CNTN6: variants seen among roughly 807,000 people sequenced by gnomAD.
CNTN6 encodes the protein contactin-6.
In CNTN6, 137 loss-of-function variants were observed where a neutral mutation model predicts 122.8. The ratio of observed to expected loss-of-function variants is 1.12; its 90% confidence interval spans 0.97 to 1.29. CNTN6 has a LOEUF of 1.29. Among genes scored for constraint, CNTN6 ranks in the 50% most tolerant of loss-of-function variants. The pLI is 0.00. For synonymous variants in CNTN6, 570 were observed against 426.0 expected, an observed-to-expected ratio of 1.34 and a Z score of -4.16; for missense variants, 1,634 against 1,223.4, an observed-to-expected ratio of 1.34 and a Z score of -5.01.
At chr3:1,159,574 A>T (rs1474302322) in intron 2 of CNTN6, among the ~76,000 whole-genome samples, 1 of 151,508 alleles carries the variant, frequency 6.6e-6, no homozygotes, top group Non-Finnish European at 1.5e-5. Context: ...TATATATAGA[A>T]TTTTTTTTTA....
At chr3:1,140,985 C>T (rs972779848) in intron 1 of CNTN6, among the ~76,000 whole-genome samples, 3 of 152,122 alleles carry the variant, frequency 2.0e-5, no homozygotes, top group African/African-American at 4.8e-5. Flanking sequence ...TGCTACTTGG[C>T]CTAACTTAAT....
chr3:1,262,707 T>C (rs1367724993), intron 4 of CNTN6, among the ~76,000 whole-genome samples: 1 of 152,154 alleles, frequency 6.6e-6, no homozygotes, highest in African/African-American at 2.4e-5. Context: ...GGGATTTGAA[T>C]CTTTGTTCTA....
At chr3:1,119,495 G>A (rs1226589696) in intron 1 of CNTN6, among the ~76,000 whole-genome samples, 2 of 151,672 alleles carry the variant, frequency 1.3e-5, no homozygotes, top group African/African-American at 2.4e-5. Flanking sequence ...TTATTGCCAG[G>A]GTCTGAGGAA....
chr3:1,383,515 G>A (rs1288523059), intron 19 of CNTN6, 107 bp downstream of exon 19: 18 of 826,876 alleles, frequency 2.2e-5, no homozygotes, highest in Middle Eastern at 2.4e-4. Flanking sequence ...ATATGATAAT[G>A]TGTGTCTAAA....
At chr3:1,119,352 T>TGTGTGTGTGTGTGTGTGTGG (rs1323991755) in intron 1 of CNTN6, among the ~76,000 whole-genome samples, 5 of 150,730 alleles carry the variant, frequency 3.3e-5, no homozygotes, top group Non-Finnish European at 7.4e-5. Context: ...TGTGTGTGTG[T>TGTGTGTGTGTGTGTGTGTGG]GGAGAATGTC....
At chr3:1,242,697 T>A (rs1319588667) in intron 4 of CNTN6, among the ~76,000 whole-genome samples, 1 of 151,928 alleles carries the variant, frequency 6.6e-6, no homozygotes, top group Non-Finnish European at 1.5e-5. Context: ...GGCTTTGGGT[T>A]GGGGAGAAGG....
intron 17 of CNTN6, among the ~76,000 whole-genome samples, chr3:1,378,263 C>T (rs949413816): frequency 5.3e-5 from 8 of 152,170 alleles, no homozygotes; most frequent in African/African-American, 1.9e-4. Context: ...CTGTCTGGAT[C>T]TCTTCCCCAC....
chr3:1,306,986 A>T (rs1197250094), intron 7 of CNTN6, among the ~76,000 whole-genome samples: 1 of 152,218 alleles, frequency 6.6e-6, no homozygotes, highest in Admixed American at 6.5e-5. Flanking sequence ...TATGTATTGA[A>T]TACCTCATTC....
At chr3:1,326,461 T>C (rs1392919067) in intron 9 of CNTN6, among the ~76,000 whole-genome samples, 2 of 151,834 alleles carry the variant, frequency 1.3e-5, no homozygotes, top group Non-Finnish European at 2.9e-5. Context: ...TTTATTTTGG[T>C]CTGATATCAG....
chr3:1,095,512 T>A (rs969156106), intron 1 of CNTN6, among the ~76,000 whole-genome samples: 1 of 151,950 alleles, frequency 6.6e-6, no homozygotes, highest in Admixed American at 6.6e-5. Context: ...AACAGAAACA[T>A]TGAGTTTAAT....
At chr3:1,316,061 T>A (rs141802205) in intron 7 of CNTN6, among the ~76,000 whole-genome samples, 1 of 152,096 alleles carries the variant, frequency 6.6e-6, no homozygotes, top group East Asian at 1.9e-4. Flanking sequence ...TTAAAATATT[T>A]TTATTAATTG....
At chr3:1,104,815 CTTG>C (rs2091140196) in intron 1 of CNTN6, among the ~76,000 whole-genome samples, 1 of 152,032 alleles carries the variant, frequency 6.6e-6, no homozygotes, top group African/African-American at 2.4e-5. Context: ...TGCTTTATAG[CTTG>C]TTTTTATTAA....
chr3:1,343,722 A>G (rs1258358403), intron 11 of CNTN6, among the ~76,000 whole-genome samples: 1 of 152,080 alleles, frequency 6.6e-6, no homozygotes, highest in African/African-American at 2.4e-5. Context: ...CTCTCTATAT[A>G]TATATAGCAT....
At chr3:1,093,638 A>G (rs73816443) in intron 1 of CNTN6, among the ~76,000 whole-genome samples, 11,955 of 152,124 alleles carry the variant, frequency 0.079, 612 homozygotes, top group African/African-American at 0.14. Flanking sequence ...AAGGGGAGCA[A>G]AGCAAGACTG....
chr3:1,140,562 C>A (rs1426957848), intron 1 of CNTN6, among the ~76,000 whole-genome samples: 66 of 152,198 alleles, frequency 4.3e-4, no homozygotes, highest in Admixed American at 4.2e-3. Flanking sequence ...GTGAAATTCA[C>A]TGAAAGTATG....
intron 1 of CNTN6, among the ~76,000 whole-genome samples, chr3:1,137,180 G>C (rs1250401138): frequency 2.0e-5 from 3 of 152,096 alleles, no homozygotes; most frequent in Non-Finnish European, 2.9e-5. Context: ...TCCAAGACTG[G>C]GCAGGTAATA....
intron 2 of CNTN6, among the ~76,000 whole-genome samples, chr3:1,160,662 TAAAAA>T (rs34452868): frequency 7.3e-6 from 1 of 136,266 alleles, no homozygotes; most frequent in Non-Finnish European, 1.6e-5. Flanking sequence ...TAAATGTACG[TAAAAA>T]AAAAAAAAAA....
intron 15 of CNTN6, 23 bp downstream of exon 15, chr3:1,373,785 G>A: frequency 6.4e-7 from 1 of 1,560,350 alleles, no homozygotes; most frequent in East Asian, 2.3e-5. Flanking sequence ...AGTGTTTTGG[G>A]TCACTTTAAA....
intron 12 of CNTN6, among the ~76,000 whole-genome samples, chr3:1,365,193 T>A (rs1708038235): frequency 6.6e-6 from 1 of 152,078 alleles, no homozygotes; most frequent in Non-Finnish European, 1.5e-5. Context: ...TTATCAATCT[T>A]GTTTAATCTA....
Sources: gnomAD v4.1 joint callset for allele counts (sites outside exome capture counted in the v4.1 genomes callset) on GRCh38, gnomAD v4.1.1 for gene constraint, MANE v1.5 for transcripts, NCBI Gene and HGNC (gene_info 2026-07-23, HGNC 2026-07-21) for gene names.